Variants in ANKS1A observed in about 807,000 individuals in gnomAD.
ANKS1A encodes the protein ankyrin repeat and sterile alpha motif domain containing 1A.
Under a neutral mutation model 120.3 loss-of-function variants are expected in ANKS1A, and 55 were observed. The observed-to-expected ratio is 0.46, with a 90% confidence interval of 0.37 to 0.57. ANKS1A has a LOEUF of 0.57. ANKS1A is among the 20% of genes least tolerant of loss of function. The pLI is 0.00. For missense variants in ANKS1A, 1,123 were observed against 1,480.3 expected, an observed-to-expected ratio of 0.76 and a Z score of 3.96; for synonymous variants, 590 against 604.7, an observed-to-expected ratio of 0.98 and a Z score of 0.36.
chr6:34,931,150 C>CTTT lies in ANKS1A; in HGVS notation c.198-36077_198-36075dup, dbSNP rs71538282. ...CGCCTCAGCCTCCCAAGGCTGTTTTCTTTTTTTTTTTTTTGAGAAAGTGTT... is the reference window on the plus strand; with the variant it reads ...CGCCTCAGCCTCCCAAGGCTGTTTTCTTTTTTTTTTTTTTTTTGAGAAAGTGTT... On this transcript the variant is annotated intron_variant, in intron 1 of 23. Coordinates refer to ENST00000360359, the MANE Select transcript of ANKS1A (RefSeq NM_015245.3). Among the ~76,000 whole-genome samples the CTTT allele has an allele frequency of 3.7e-5, 5 of 134,768 alleles. 1 individual carries two copies. The highest frequency in any genetic ancestry group is 8.1e-5 in the Non-Finnish European group (5 of 61,820). 88.4% of individuals were successfully genotyped at this position (134,768 alleles called of 152,430 possible). A position where few individuals can be genotyped will look rare whatever the true frequency, so the allele number is the denominator to read the frequency against.
chr6:34,944,725 CT>C (rs1391696371), intron 1 of ANKS1A, among the ~76,000 whole-genome samples: 1 of 152,172 alleles, frequency 6.6e-6, no homozygotes, highest in Non-Finnish European at 1.5e-5. Flanking sequence ...GGTTTTCCAT[CT>C]GCAAATACGG....
chr6:35,092,202 C>G (rs1778330073), downstream of ANKS1A, among the ~76,000 whole-genome samples: 1 of 152,204 alleles, frequency 6.6e-6, no homozygotes, highest in African/African-American at 2.4e-5. Context: ...GTGGCTCCAG[C>G]TGCCAGAGCC....
chr6:35,097,663 T>TAC, the ANKS1A span, among the ~76,000 whole-genome samples: 43 of 129,298 alleles, frequency 3.3e-4, 1 homozygote, highest in South Asian at 7.6e-4. Context: ...AAAAAACACA[T>TAC]ACACACACAC....
intron 1 of ANKS1A, among the ~76,000 whole-genome samples, chr6:34,948,189 G>C (rs1288633542): frequency 2.0e-5 from 3 of 147,192 alleles, no homozygotes; most frequent in Non-Finnish European, 4.5e-5. Flanking sequence ...AATGTGCTTT[G>C]TTCAGCCATT....
rs1228208508 is a variant in ANKS1A at position 35,082,840 on chromosome 6, C to T, written c.2835+24C>T. 2.5e-6 allele frequency: 4 copies of T among 1,600,282 alleles called. No individual in the cohort carries two copies. The highest frequency in any genetic ancestry group is 1.7e-4 in the Middle Eastern group (1 of 5,970). ...ATGTGAGTTGCTCCCACCCTCCCAG[C>T]AGGGCCGGCCTCCCTGCTCCTTCTC... On this transcript the variant is annotated intron_variant, in intron 18 of 23. Coordinates refer to ENST00000360359, the MANE Select transcript of ANKS1A (RefSeq NM_015245.3). This position sits in a 1 kb window ranked among gnomAD's most constrained non-coding sequence, Gnocchi z 4.1.
chr6:34,959,164 T>C (rs1453932002), intron 1 of ANKS1A, among the ~76,000 whole-genome samples: 2 of 152,258 alleles, frequency 1.3e-5, no homozygotes, highest in Non-Finnish European at 2.9e-5. Context: ...GAAAGTGGCC[T>C]GAGCACTTTG....
intron 10 of ANKS1A, 95 bp downstream of exon 10, chr6:34,994,517 T>C (rs1396434004): frequency 3.3e-6 from 5 of 1,507,588 alleles, no homozygotes; most frequent in Non-Finnish European, 4.5e-6. Flanking sequence ...AACTATGATA[T>C]TCCTTGGGTT....
intron 11 of ANKS1A, among the ~76,000 whole-genome samples, chr6:35,030,940 T>C (rs1230885182): frequency 1.3e-5 from 2 of 152,224 alleles, no homozygotes; most frequent in Admixed American, 1.3e-4. Context: ...CAGATGCTTG[T>C]ACATAATGTA....
chr6:34,902,374 A>G (rs6918183), intron 1 of ANKS1A, among the ~76,000 whole-genome samples: 24,322 of 151,388 alleles, frequency 0.16, 2,577 homozygotes, highest in East Asian at 0.57. Flanking sequence ...TCAGCCTCCC[A>G]AGTAGCTGGG....
At chr6:35,007,513 T>C (rs1364617195) in intron 10 of ANKS1A, among the ~76,000 whole-genome samples, 1 of 152,242 alleles carries the variant, frequency 6.6e-6, no homozygotes, top group East Asian at 1.9e-4. Flanking sequence ...TATTTCTCTT[T>C]CATGTTTAAC....
intron 14 of ANKS1A, among the ~76,000 whole-genome samples, chr6:35,079,179 G>C (rs1219692472): frequency 6.6e-6 from 1 of 152,194 alleles, no homozygotes; most frequent in African/African-American, 2.4e-5. Context: ...CCCGCTCTGA[G>C]GGCACACACT....
chr6:35,055,564 G>A lies in ANKS1A; in HGVS notation c.2077+1399G>A, dbSNP rs184732144. On this transcript the variant is annotated intron_variant, in intron 12 of 23. Coordinates refer to ENST00000360359, the MANE Select transcript of ANKS1A (RefSeq NM_015245.3). ...AGGCTGGTCTTGAACTCCTGACCTC[G>A]TGATCCGCCTGCGTTGGCCTTCCAA... Among the ~76,000 whole-genome samples, 479 of 152,214 alleles carry A rather than the reference G, an allele frequency of 3.1e-3. 4 individuals are homozygous for A. The highest frequency in any genetic ancestry group is 3.1e-3 in the Non-Finnish European group (214 of 68,016).
At chr6:35,039,761 T>G (rs1402862437) in intron 11 of ANKS1A, 1 of 397,934 alleles carries the variant, frequency 2.5e-6, no homozygotes, top group Non-Finnish European at 5.1e-6. Flanking sequence ...TTTCCTTCAG[T>G]GCTCAGCCCT....
intron 1 of ANKS1A, among the ~76,000 whole-genome samples, chr6:34,936,403 G>A (rs1769260057): frequency 6.6e-6 from 1 of 152,202 alleles, no homozygotes; most frequent in Admixed American, 6.5e-5. Flanking sequence ...ACTCAGGTCT[G>A]TGACTGTCAA....
intron 10 of ANKS1A, among the ~76,000 whole-genome samples, chr6:35,008,362 A>T (rs1395239507): frequency 6.6e-6 from 1 of 152,086 alleles, no homozygotes; most frequent in South Asian, 2.1e-4. Context: ...GACTAAAGGC[A>T]TGTGCCACCA....
chr6:35,009,260 G>A (rs192652559), intron 10 of ANKS1A, among the ~76,000 whole-genome samples: 1 of 152,258 alleles, frequency 6.6e-6, no homozygotes, highest in Non-Finnish European at 1.5e-5. Flanking sequence ...GGAAGTTATA[G>A]GAAGGGAGGT....
At chr6:35,032,772 T>G (rs1774973229) in intron 11 of ANKS1A, among the ~76,000 whole-genome samples, 1 of 152,200 alleles carries the variant, frequency 6.6e-6, no homozygotes, top group Non-Finnish European at 1.5e-5. Context: ...GGTAGAGCCC[T>G]TTTTTATGCC....
At position 34,984,834 on chromosome 6, in the gene ANKS1A, G is replaced by T. The variant is rs1017878007; in HGVS notation, c.1013-248G>T. On this transcript the variant is annotated intron_variant, in intron 7 of 23. Coordinates refer to ENST00000360359, the MANE Select transcript of ANKS1A (RefSeq NM_015245.3). ...ATTTTGGGACTTTATAAAGGCCTTGGGAGGTATCTCTTATAGATGTCAATG... is the reference window on the plus strand; with the variant it reads ...ATTTTGGGACTTTATAAAGGCCTTGTGAGGTATCTCTTATAGATGTCAATG... 2.6e-5 allele frequency among the ~76,000 whole-genome samples: 4 copies of T among 152,246 alleles called. No individual in the cohort carries two copies. The East Asian group carries it at 7.7e-4, about 29-fold the overall frequency.
At chr6:34,975,764 T>A (rs569194792) in intron 3 of ANKS1A, among the ~76,000 whole-genome samples, 115 of 150,396 alleles carry the variant, frequency 7.6e-4, no homozygotes, top group South Asian at 3.6e-3. Flanking sequence ...AAAAAAAAAA[T>A]AATAATAATA....
Sources: allele counts gnomAD v4.1 joint callset (sites outside exome capture counted in the v4.1 genomes callset), GRCh38; gene constraint gnomAD v4.1.1; non-coding constraint Gnocchi (gnomAD v3.1); transcripts MANE v1.5; gene names NCBI Gene and HGNC (gene_info 2026-07-23, HGNC 2026-07-21).